The following PPP2R5A variants were observed in gnomAD, a reference collection of about 807,000 sequenced individuals.
PPP2R5A encodes protein phosphatase 2 regulatory subunit B'alpha.
A neutral mutation model predicts 64.2 loss-of-function variants in PPP2R5A; 25 were observed. That is an observed-to-expected ratio of 0.39 (90% confidence interval 0.28 to 0.54). The LOEUF is 0.54. Ranked by LOEUF, PPP2R5A falls within the 20% of genes least tolerant of loss-of-function variation. The pLI is 0.67. For missense variants in PPP2R5A, 425 were observed against 576.3 expected (o/e 0.74, Z 2.69); for synonymous variants, 198 against 201.2 (o/e 0.98, Z 0.13).
chr1:212,333,546 T>A lies in PPP2R5A; in HGVS notation c.428T>A (p.Phe143Tyr). The A allele has an allele frequency of 6.2e-7, 1 of 1,603,278 alleles. No individual in the cohort carries two copies. Among genetic ancestry groups the A allele is most frequent in the African/African-American group, 1.3e-5 (1 of 74,548 alleles). The change falls in exon 3 of 13, where the codon TTT becomes TAT. Residue 143 changes from phenylalanine to tyrosine, a missense_variant. Transcript: ENST00000261461. ...RTLPPSDNPDFDPEEDEPTLE... is the reference protein window; with the variant it reads ...RTLPPSDNPDYDPEEDEPTLE... ...CTTCCTCCAAGTGATAATCCAGATT[T>A]TGATCCAGAAGAGGATGAACCCACG...
chr1:212,343,909 C>T (rs532630699), intron 4 of PPP2R5A, among the ~76,000 whole-genome samples: 3 of 152,248 alleles, frequency 2.0e-5, no homozygotes, highest in African/African-American at 7.2e-5. Context: ...ACTGGTGGGG[C>T]AGGATCTGTT....
intron 1 of PPP2R5A, among the ~76,000 whole-genome samples, chr1:212,306,339 G>C (rs1658900004): frequency 8.7e-6 from 1 of 114,522 alleles, no homozygotes; most frequent in Admixed American, 9.1e-5. Flanking sequence ...GGGAAAAGGG[G>C]AAAAAAGGAG....
chr1:212,292,184 G>GA lies in PPP2R5A; in HGVS notation c.181+5895dup, dbSNP rs1227927421. ...TTAATCTTGACCACAACTTTTTATC[G>GA]AAGGCAGGGCAGTGAGAACTCAGGG... On this transcript the variant is annotated intron_variant, in intron 1 of 12. Coordinates refer to ENST00000261461, the MANE Select transcript of PPP2R5A (RefSeq NM_006243.4). 3.3e-5 allele frequency among the ~76,000 whole-genome samples: 5 copies of GA among 152,150 alleles called. No homozygotes were observed. The East Asian group carries it at 9.6e-4, about 29-fold the overall frequency.
intron 1 of PPP2R5A, among the ~76,000 whole-genome samples, chr1:212,290,935 CTGCCT>C (rs1314915093): frequency 6.6e-6 from 1 of 152,150 alleles, no homozygotes; most frequent in Non-Finnish European, 1.5e-5. Context: ...GGAGTTATTG[CTGCCT>C]TGGATTTCAA....
At position 212,360,792 on chromosome 1, in the gene PPP2R5A, C is replaced by T. The variant is rs1282074736; in HGVS notation, c.*22C>T. On this transcript the variant is annotated 3_prime_UTR_variant, in exon 13 of 13. Transcript: ENST00000261461. ...ATAAAAAAAAAGCCTCCCACCTCTG[C>T]CGGATAGGCAGAGTTTTGTATGCTT... The T allele has an allele frequency of 1.3e-6, 2 of 1,499,014 alleles. No individual in the cohort carries two copies. Among genetic ancestry groups the T allele is most frequent in the African/African-American group, 1.4e-5 (1 of 69,804 alleles). 92.9% of individuals were successfully genotyped at this position (1,499,014 alleles called of 1,614,324 possible). A position where few individuals can be genotyped will look rare whatever the true frequency, so the allele number is the denominator to read the frequency against.
rs375453826 is a variant in PPP2R5A at position 212,320,475 on chromosome 1, G to T, written c.182-8660G>T. Among the ~76,000 whole-genome samples, 64 of 152,280 alleles carry T rather than the reference G, an allele frequency of 4.2e-4. 1 individual carries two copies. In the East Asian group the frequency reaches 0.01, roughly 24 times the overall value. On this transcript the variant is annotated intron_variant, in intron 1 of 12. Transcript: ENST00000261461. ...GAGCTGTTGAGTACACCTCCCAGAC[G>T]GGGTGGTGGCTGGACAGAGGGGCTC...
chr1:212,360,498 G>C, intron 12 of PPP2R5A, 140 bp from the exon 13 acceptor site: 2 of 666,764 alleles, frequency 3.0e-6, no homozygotes, highest in Non-Finnish European at 4.9e-6. Flanking sequence ...GGTGCTCCAG[G>C]TAAGTGGACT....
At chr1:212,349,381 T>C in intron 8 of PPP2R5A, 139 bp downstream of exon 8, 1 of 607,042 alleles carries the variant, frequency 1.6e-6, no homozygotes, top group Non-Finnish European at 2.6e-6. Flanking sequence ...AATGTGAGAT[T>C]AATCTACATT....
rs540331846 is a variant in PPP2R5A, at chr1:212,326,170, T to C, written c.182-2965T>C. Reference sequence around the variant, plus strand: ...TGGTTCATTTTCACCCCCAATAGAATGAATTTTAATTCTGGGATAAAGATA... The same window carrying C: ...TGGTTCATTTTCACCCCCAATAGAACGAATTTTAATTCTGGGATAAAGATA... On this transcript the variant is annotated intron_variant, in intron 1 of 12. Coordinates refer to ENST00000261461, the MANE Select transcript of PPP2R5A (RefSeq NM_006243.4). Among the ~76,000 whole-genome samples the C allele has an allele frequency of 3.3e-5, 5 of 152,216 alleles. No individual in the cohort carries two copies. The South Asian group carries it at 1.0e-3, about 32-fold the overall frequency.
At chr1:212,318,035 C>T (rs1358179766) in intron 1 of PPP2R5A, among the ~76,000 whole-genome samples, 2 of 152,090 alleles carry the variant, frequency 1.3e-5, no homozygotes, top group South Asian at 2.1e-4. Flanking sequence ...AAAAACCTAG[C>T]GGGGCTTTTG....
intron 8 of PPP2R5A, among the ~76,000 whole-genome samples, chr1:212,349,577 G>A (rs1659841265): frequency 6.6e-6 from 1 of 152,094 alleles, no homozygotes; most frequent in African/African-American, 2.4e-5. Flanking sequence ...TGGAATTAAA[G>A]CATACTTCGA....
At chr1:212,325,525 TTG>T (rs1435166279) in intron 1 of PPP2R5A, among the ~76,000 whole-genome samples, 1 of 152,132 alleles carries the variant, frequency 6.6e-6, no homozygotes, top group Non-Finnish European at 1.5e-5. Flanking sequence ...AAGTGGGATC[TTG>T]TGTGAGTTTG....
At chr1:212,344,855 G>T (rs1234483990) in intron 4 of PPP2R5A, among the ~76,000 whole-genome samples, 1 of 152,050 alleles carries the variant, frequency 6.6e-6, no homozygotes, top group African/African-American at 2.4e-5. Context: ...AAATTTTTCA[G>T]CTATTTGCTA....
chr1:212,338,971 C>T (rs942286173), intron 3 of PPP2R5A, among the ~76,000 whole-genome samples: 4 of 151,964 alleles, frequency 2.6e-5, no homozygotes, highest in Non-Finnish European at 5.9e-5. Flanking sequence ...CAGAGAAGAA[C>T]AAAATAATAA....
intron 1 of PPP2R5A, among the ~76,000 whole-genome samples, chr1:212,292,315 T>C (rs557014562): frequency 3.9e-5 from 6 of 152,358 alleles, no homozygotes; most frequent in Non-Finnish European, 5.9e-5. Context: ...TCAGTTGTTA[T>C]GTTGTGATGC....
intron 2 of PPP2R5A, among the ~76,000 whole-genome samples, chr1:212,332,850 T>G (rs1295022602): frequency 6.6e-6 from 1 of 152,158 alleles, no homozygotes; most frequent in African/African-American, 2.4e-5. Flanking sequence ...GAATTCCCTG[T>G]ACTCCCTTCC....
chr1:212,293,479 G>GA (rs1197646096), intron 1 of PPP2R5A, among the ~76,000 whole-genome samples: 1 of 152,190 alleles, frequency 6.6e-6, no homozygotes, highest in Non-Finnish European at 1.5e-5. Context: ...ATGCTTTGCT[G>GA]AAAGAGTTTT....
intron 8 of PPP2R5A, among the ~76,000 whole-genome samples, chr1:212,355,100 A>G (rs892811867): frequency 6.6e-6 from 1 of 152,164 alleles, no homozygotes; most frequent in Admixed American, 6.5e-5. Flanking sequence ...GCTTTTCTCC[A>G]TATGTCTTAA....
intron 8 of PPP2R5A, among the ~76,000 whole-genome samples, chr1:212,354,414 C>T (rs1454559721): frequency 4.6e-5 from 7 of 151,990 alleles, no homozygotes; most frequent in Non-Finnish European, 7.4e-5. Context: ...CATGGTTGCT[C>T]ATGTCTGTAA....
Sources: allele counts gnomAD v4.1 joint callset (sites outside exome capture counted in the v4.1 genomes callset), GRCh38; gene constraint gnomAD v4.1.1; transcripts MANE v1.5; gene names NCBI Gene and HGNC (gene_info 2026-07-23, HGNC 2026-07-21).